Variants in DSE observed in about 807,000 individuals in gnomAD.
DSE encodes dermatan sulfate epimerase.
A neutral mutation model predicts 84.4 loss-of-function variants in DSE; 36 were observed. That is an observed-to-expected ratio of 0.43 (90% confidence interval 0.33 to 0.56). The LOEUF (loss-of-function observed/expected upper bound fraction) is 0.56. DSE is among the 20% of genes least tolerant of loss of function. The pLI, the probability that DSE is intolerant of heterozygous loss-of-function variation, is 0.06. For synonymous variants in DSE, 410 were observed against 430.1 expected, an observed-to-expected ratio of 0.95 and a Z score of 0.58; for missense variants, 862 against 1,169.6, an observed-to-expected ratio of 0.74 and a Z score of 3.84.
intron 2 of DSE, among the ~76,000 whole-genome samples, chr6:116,329,526 G>A (rs926607032): frequency 6.6e-6 from 1 of 152,122 alleles, no homozygotes; most frequent in Non-Finnish European, 1.5e-5. Context: ...ATAATTTCTG[G>A]AATTTATTGT....
chr6:116,278,702 A>C (rs1773286365), intron 2 of DSE: 1 of 1,614,180 alleles, frequency 6.2e-7, no homozygotes, highest in South Asian at 1.1e-5. Context: ...CAAGTGAAGA[A>C]GCTGCAGATG....
intron 5 of DSE, among the ~76,000 whole-genome samples, chr6:116,434,023 T>C (rs993355719): frequency 1.3e-5 from 2 of 152,172 alleles, no homozygotes; most frequent in African/African-American, 4.8e-5. Flanking sequence ...TAGTAAAATA[T>C]TTTGTTTTGG....
Position 116,436,307 on chromosome 6 carries a change from C to G in DSE, c.1839C>G (p.Leu613=). 1 of 1,614,160 alleles carries G rather than the reference C, an allele frequency of 6.2e-7. No homozygotes were observed. Among genetic ancestry groups the G allele is most frequent in the Non-Finnish European group, 8.5e-7 (1 of 1,180,020 alleles). The change falls in exon 6 of 6, where the codon CTC becomes CTG. Residue 613 remains leucine (L), a synonymous_variant. Transcript: ENST00000644252. ...HGAFIRQRDG[L]YKMYWMDDTG... is the part of the protein sequence containing the mutation. Reference sequence around the variant, plus strand: ...CTTTCATCAGGCAGAGAGATGGTCTCTATAAAATGTACTGGATGGACGATA... The same window carrying G: ...CTTTCATCAGGCAGAGAGATGGTCTGTATAAAATGTACTGGATGGACGATA...
chr6:116,328,951 C>T (rs1776788891), intron 2 of DSE, among the ~76,000 whole-genome samples: 1 of 152,098 alleles, frequency 6.6e-6, no homozygotes, highest in Non-Finnish European at 1.5e-5. Flanking sequence ...ATAATAAAAG[C>T]CAGTTCTGCT....
chr6:116,326,583 C>T (rs1206021718), intron 2 of DSE, among the ~76,000 whole-genome samples: 1 of 152,180 alleles, frequency 6.6e-6, no homozygotes, highest in Non-Finnish European at 1.5e-5. Context: ...GATACTGAGG[C>T]AGCCAAATCC....
chr6:116,411,244 C>T (rs1348621764), intron 2 of DSE, among the ~76,000 whole-genome samples: 1 of 152,050 alleles, frequency 6.6e-6, no homozygotes, highest in Non-Finnish European at 1.5e-5. Flanking sequence ...CAATATATAT[C>T]CTTTCTGTTG....
At chr6:116,352,336 A>G (rs2640887) in intron 2 of DSE, among the ~76,000 whole-genome samples, 151,140 of 152,336 alleles carry the variant, frequency 0.99, 74,979 homozygotes, top group Middle Eastern at 1. Flanking sequence ...CAATTCAACT[A>G]AAATGGCTGG....
rs530012248 is a variant in DSE at position 116,374,671 on chromosome 6, TG to T, written c.-54+3554del. On this transcript the variant is annotated intron_variant, in intron 1 of 5. Coordinates refer to ENST00000644252, the MANE Select transcript of DSE (RefSeq NM_013352.4). ...CATCTGGGGAGGGCTTTCTTGCCGGTGGGGACTCTACAGAGCTCCGAGGTGA... is the reference window on the plus strand; with the variant it reads ...CATCTGGGGAGGGCTTTCTTGCCGGTGGGACTCTACAGAGCTCCGAGGTGA... Among the ~76,000 whole-genome samples, 498 of 152,288 alleles carry T rather than the reference TG, an allele frequency of 3.3e-3. 4 individuals are homozygous for T. The highest frequency in any genetic ancestry group is 0.011 in the African/African-American group (463 of 41,564).
At chr6:116,342,591 C>T (rs1334894552) in intron 2 of DSE, among the ~76,000 whole-genome samples, 1 of 152,130 alleles carries the variant, frequency 6.6e-6, no homozygotes, top group Non-Finnish European at 1.5e-5. Context: ...TTTTTTGTTT[C>T]TTTAAGTAAC....
Position 116,440,887 on chromosome 6 carries a change from A to G in DSE, c.*3542A>G, listed in dbSNP as rs1285889978. Reference sequence around the variant, plus strand: ...CTGATTGAGACCCCTAAATCTACAGATGAGGAAAGCAAGCCTCAAGCAAGG... The same window carrying G: ...CTGATTGAGACCCCTAAATCTACAGGTGAGGAAAGCAAGCCTCAAGCAAGG... On this transcript the variant is annotated 3_prime_UTR_variant, in exon 6 of 6. Coordinates refer to ENST00000644252, the MANE Select transcript of DSE (RefSeq NM_013352.4). 1 of 152,170 alleles carries G rather than the reference A, an allele frequency of 6.6e-6. No homozygotes were observed. The highest frequency in any genetic ancestry group is 6.5e-5 in the Admixed American group (1 of 15,274). 9.4% of individuals were successfully genotyped at this position (152,170 alleles called of 1,614,324 possible). A position where few individuals can be genotyped will look rare whatever the true frequency, so the allele number is the denominator to read the frequency against.
intron 2 of DSE, among the ~76,000 whole-genome samples, chr6:116,273,234 A>G (rs1772959921): frequency 6.6e-6 from 1 of 152,232 alleles, no homozygotes; most frequent in Non-Finnish European, 1.5e-5. Flanking sequence ...ACTTACTTAA[A>G]TGACCCTTTC....
chr6:116,380,872 A>G (rs1365696422), intron 1 of DSE, among the ~76,000 whole-genome samples: 2 of 152,140 alleles, frequency 1.3e-5, no homozygotes, highest in African/African-American at 4.8e-5. Flanking sequence ...GAGACAGTGA[A>G]ATCTGTACAC....
chr6:116,430,124 A>C (rs1406575523), intron 3 of DSE, among the ~76,000 whole-genome samples: 2 of 152,218 alleles, frequency 1.3e-5, no homozygotes, highest in African/African-American at 4.8e-5. Context: ...AAAATCATGT[A>C]GCTCATTTTT....
At chr6:116,285,087 C>A (rs373497646) in intron 2 of DSE, among the ~76,000 whole-genome samples, 8 of 152,148 alleles carry the variant, frequency 5.3e-5, no homozygotes, top group Non-Finnish European at 8.8e-5. Flanking sequence ...TCCCTGAGGA[C>A]TCGCCACACT....
intron 2 of DSE, among the ~76,000 whole-genome samples, chr6:116,305,768 G>T (rs1775308184): frequency 6.6e-6 from 1 of 152,080 alleles, no homozygotes; most frequent in Non-Finnish European, 1.5e-5. Context: ...CCCCTGAGTA[G>T]CTGGGATTAC....
intron 2 of DSE, among the ~76,000 whole-genome samples, chr6:116,315,429 C>T (rs1775914163): frequency 6.6e-6 from 1 of 151,738 alleles, no homozygotes; most frequent in African/African-American, 2.4e-5. Context: ...CAGGAATTTC[C>T]ATTTGTTTCA....
intron 1 of DSE, among the ~76,000 whole-genome samples, chr6:116,386,663 A>G (rs1169267570): frequency 2.0e-5 from 3 of 152,238 alleles, no homozygotes; most frequent in Admixed American, 6.5e-5. Context: ...CAGAGCAAAG[A>G]TAGGAGTTTA....
chr6:116,328,623 C>T (rs1776767525), intron 2 of DSE, among the ~76,000 whole-genome samples: 1 of 152,138 alleles, frequency 6.6e-6, no homozygotes, highest in Non-Finnish European at 1.5e-5. Flanking sequence ...AAAAATGACG[C>T]ACATTGTAAT....
intron 1 of DSE, among the ~76,000 whole-genome samples, chr6:116,393,072 G>A (rs1453023309): frequency 6.6e-6 from 1 of 152,114 alleles, no homozygotes; most frequent in African/African-American, 2.4e-5. Flanking sequence ...TTTCCAGCCA[G>A]GGACTGTGTT....
Sources: allele counts gnomAD v4.1 joint callset (sites outside exome capture counted in the v4.1 genomes callset), GRCh38; gene constraint gnomAD v4.1.1; transcripts MANE v1.5; gene names NCBI Gene and HGNC (gene_info 2026-07-23, HGNC 2026-07-21).